Variants in CLVS1 observed in about 807,000 individuals in gnomAD.
The protein encoded by CLVS1 is clavesin-1.
Under a neutral mutation model 33.1 loss-of-function variants are expected in CLVS1, and 10 were observed. The ratio of observed to expected loss-of-function variants is 0.30; its 90% CI spans 0.19 to 0.51. The LOEUF is 0.51. Among genes scored for constraint, CLVS1 ranks in the 20% least tolerant of loss-of-function variants. The pLI, the probability that CLVS1 is intolerant of heterozygous loss-of-function variation, is 0.97. For synonymous variants in CLVS1, 163 were observed against 166.1 expected, an observed-to-expected ratio of 0.98 and a Z score of 0.14; for missense variants, 343 against 433.4, an observed-to-expected ratio of 0.79 and a Z score of 1.85.
At chr8:61,440,801 G>T (rs1337525838) in intron 3 of CLVS1, among the ~76,000 whole-genome samples, 1 of 152,124 alleles carries the variant, frequency 6.6e-6, no homozygotes, top group African/African-American at 2.4e-5. Flanking sequence ...AGGAACACTG[G>T]GTTGGTACAG....
chr8:61,461,109 T>C (rs970688369), intron 5 of CLVS1, among the ~76,000 whole-genome samples: 2 of 152,190 alleles, frequency 1.3e-5, no homozygotes, highest in African/African-American at 4.8e-5. Context: ...GGTTGGTCCA[T>C]GAACAAGATA....
At chr8:61,191,740 A>C (rs1261440195) in intron 2 of CLVS1, among the ~76,000 whole-genome samples, 1 of 152,206 alleles carries the variant, frequency 6.6e-6, no homozygotes, top group African/African-American at 2.4e-5. Flanking sequence ...TAACAGACAA[A>C]CAGAGAGCCA....
At chr8:61,052,452 T>A (rs1199642499), upstream of CLVS1, among the ~76,000 whole-genome samples, 2 of 152,054 alleles carry the variant, frequency 1.3e-5, no homozygotes, top group African/African-American at 4.8e-5. Context: ...AGAGGGGGCC[T>A]CACTGAAAGG....
In CLVS1 at chr8:61,343,429, C is replaced by T. The variant is rs187507458; in HGVS notation, c.456-33176C>T. Among the ~76,000 whole-genome samples, 326 of 152,216 alleles carry T rather than the reference C, an allele frequency of 2.1e-3. 2 individuals are homozygous for T. The highest frequency in any genetic ancestry group is 7.1e-3 in the African/African-American group (297 of 41,542). On this transcript the variant is annotated intron_variant, in intron 2 of 5. Coordinates refer to ENST00000325897, the MANE Select transcript of CLVS1 (RefSeq NM_173519.3). ...ATCAGTCATTTAAAAACCAGTGGGA[C>T]GTTGTTGCAATGGTCTGTGACAGTA...
At position 61,245,205 on chromosome 8, in the gene CLVS1, CT is replaced by C. The variant is rs1043527509; in HGVS notation, c.-151-54462del. On this transcript the variant is annotated intron_variant, in intron 2 of 2. Coordinates refer to the CLVS1 transcript ENST00000522621. ...AAGTCTCCTTACATATTAGAGCTGT[CT>C]TTTTTTTTTCTTTGACAGAGTCTTG... Among the ~76,000 whole-genome samples, 12 of 149,594 alleles carry C rather than the reference CT, an allele frequency of 8.0e-5. No homozygotes were observed. The East Asian group carries it at 1.6e-3, about 19-fold the overall frequency.
chr8:61,331,218 C>T (rs2129597229), intron 2 of CLVS1, among the ~76,000 whole-genome samples: 1 of 152,300 alleles, frequency 6.6e-6, no homozygotes, highest in East Asian at 1.9e-4. Flanking sequence ...GTCATTACTT[C>T]CAATGATATT....
chr8:61,085,199 T>G (rs759345828), intron 1 of CLVS1, among the ~76,000 whole-genome samples: 8 of 152,228 alleles, frequency 5.3e-5, no homozygotes, highest in African/African-American at 1.2e-4. Flanking sequence ...TGTCACTGTT[T>G]TATTTCTGTA....
intron 1 of CLVS1, among the ~76,000 whole-genome samples, chr8:61,128,682 A>G (rs576067482): frequency 1.3e-5 from 2 of 152,296 alleles, no homozygotes; most frequent in African/African-American, 4.8e-5. Flanking sequence ...TTGACATTCA[A>G]TACGTGAAGG....
At chr8:61,244,386 T>C (rs1047508059) in intron 2 of CLVS1, among the ~76,000 whole-genome samples, 1 of 152,186 alleles carries the variant, frequency 6.6e-6, no homozygotes, top group Non-Finnish European at 1.5e-5. Flanking sequence ...GTTGTCTTGT[T>C]TTATGGCCAA....
intron 2 of CLVS1, among the ~76,000 whole-genome samples, chr8:61,369,483 G>C (rs934484679): frequency 6.6e-6 from 1 of 152,118 alleles, no homozygotes; most frequent in Non-Finnish European, 1.5e-5. Context: ...AGACCCACAG[G>C]CCTAGAAGAG....
intron 2 of CLVS1, among the ~76,000 whole-genome samples, chr8:61,149,473 A>G (rs944071924): frequency 2.0e-5 from 3 of 147,074 alleles, no homozygotes; most frequent in Admixed American, 7.0e-5. Context: ...AATCACTTGA[A>G]CCCGGAAGGT....
In CLVS1 at chr8:61,166,031, G is replaced by GTTTTTT. The variant is rs71245557; in HGVS notation, c.-152+34180_-152+34185dup. Among the ~76,000 whole-genome samples the GTTTTTT allele has an allele frequency of 3.7e-5, 4 of 108,374 alleles. 1 individual carries two copies. The highest frequency in any genetic ancestry group is 3.9e-5 in the Non-Finnish European group (2 of 51,522). 71.1% of individuals were successfully genotyped at this position (108,374 alleles called of 152,430 possible). A position where few individuals can be genotyped will look rare whatever the true frequency, so the allele number is the denominator to read the frequency against. ...TATTTTTGTGGCTAAGCATCTAAGC[G>GTTTTTT]TTTTTTTTTTTTTTGCCTGCCTTTG... On this transcript the variant is annotated intron_variant, in intron 2 of 2. Coordinates refer to the CLVS1 transcript ENST00000522621.
chr8:61,493,002 A>C (rs1291718880), intron 5 of CLVS1, among the ~76,000 whole-genome samples: 1 of 152,230 alleles, frequency 6.6e-6, no homozygotes, highest in African/African-American at 2.4e-5. Context: ...AGTAGAAAGA[A>C]ACGTCGTAGC....
chr8:61,434,310 AG>A lies in CLVS1; in HGVS notation c.631-19830del, dbSNP rs140765815. Among the ~76,000 whole-genome samples, 1,509 of 152,346 alleles carry A rather than the reference AG, an allele frequency of 9.9e-3. 29 individuals carry two copies. The highest frequency in any genetic ancestry group is 0.035 in the African/African-American group (1,451 of 41,576). On this transcript the variant is annotated intron_variant, in intron 3 of 5. Transcript: ENST00000325897. ...CATCTAAAGTTACATGTAAAGAAAA[AG>A]CATTTAAGAGATAGTAAAGGGAATG...
intron 2 of CLVS1, among the ~76,000 whole-genome samples, chr8:61,366,763 C>T (rs1253017296): frequency 3.3e-5 from 5 of 152,210 alleles, no homozygotes; most frequent in African/African-American, 1.2e-4. Flanking sequence ...GCAGTGCAAG[C>T]ATTCCTTTGT....
chr8:61,327,157 G>A (rs1811414677), intron 2 of CLVS1, among the ~76,000 whole-genome samples: 1 of 152,128 alleles, frequency 6.6e-6, no homozygotes, highest in Admixed American at 6.6e-5. Context: ...GAATCCTTTA[G>A]GAATAGGGCC....
chr8:61,036,891 C>T, the CLVS1 span, among the ~76,000 whole-genome samples: 1 of 152,184 alleles, frequency 6.6e-6, no homozygotes, highest in Non-Finnish European at 1.5e-5. Context: ...GAGTGTTCTC[C>T]AGCCATCCAT....
chr8:61,233,004 G>GT (rs981834753), intron 2 of CLVS1, among the ~76,000 whole-genome samples: 13 of 152,258 alleles, frequency 8.5e-5, no homozygotes, highest in African/African-American at 3.1e-4. Flanking sequence ...GGTAAAATAT[G>GT]TTTTTTAAGC....
chr8:60,996,716 C>G, the CLVS1 span, among the ~76,000 whole-genome samples: 2 of 152,190 alleles, frequency 1.3e-5, no homozygotes, highest in African/African-American at 4.8e-5. Context: ...AAATGTCCCT[C>G]TAGCTGAGGT....
Sources: allele counts gnomAD v4.1 joint callset (sites outside exome capture counted in the v4.1 genomes callset), GRCh38; gene constraint gnomAD v4.1.1; transcripts MANE v1.5; gene names NCBI Gene and HGNC (gene_info 2026-07-23, HGNC 2026-07-21).